The following ISM1 variants were observed in gnomAD, a reference collection of about 807,000 sequenced individuals.
ISM1 encodes isthmin 1.
A neutral mutation model predicts 46.3 loss-of-function variants in ISM1; 25 were observed. The observed-to-expected ratio is 0.54, with a 90% CI of 0.39 to 0.75. The LOEUF (loss-of-function observed/expected upper bound fraction) is 0.75, where lower values mean the gene tolerates loss of function less well. Among genes scored for constraint, ISM1 ranks in the 30% least tolerant of loss-of-function variants. The pLI, the probability that ISM1 is intolerant of heterozygous loss-of-function variation, is 0.00. For missense variants in ISM1, 536 were observed against 625.4 expected, an observed-to-expected ratio of 0.86 and a Z score of 1.52; for synonymous variants, 255 against 256.7, an observed-to-expected ratio of 0.99 and a Z score of 0.06.
chr20:13,249,589 G>A (rs2039842131), intron 1 of ISM1, among the ~76,000 whole-genome samples: 1 of 152,194 alleles, frequency 6.6e-6, no homozygotes, highest in African/African-American at 2.4e-5. Context: ...AACCCCGCCA[G>A]GCTCTTTATT....
At chr20:13,244,637 T>G (rs2039772904) in intron 1 of ISM1, among the ~76,000 whole-genome samples, 1 of 152,222 alleles carries the variant, frequency 6.6e-6, no homozygotes, top group South Asian at 2.1e-4. Flanking sequence ...ACTATATACT[T>G]CCATAATTTA....
intron 1 of ISM1, among the ~76,000 whole-genome samples, chr20:13,255,618 A>C (rs2039919018): frequency 6.6e-6 from 1 of 152,190 alleles, no homozygotes. Context: ...GGTAGAGTAG[A>C]CAGAAAGAAG....
At chr20:13,278,589 T>G (rs2040205944) in intron 2 of ISM1, among the ~76,000 whole-genome samples, 1 of 152,232 alleles carries the variant, frequency 6.6e-6, no homozygotes, top group Admixed American at 6.5e-5. Flanking sequence ...TGCCACTTAC[T>G]AGCCCTGTGA....
chr20:13,237,367 G>T (rs2039663475), intron 1 of ISM1, among the ~76,000 whole-genome samples: 3 of 152,180 alleles, frequency 2.0e-5, no homozygotes, highest in African/African-American at 7.2e-5. Context: ...TGGATAATAA[G>T]GTAGTTAAGT....
At chr20:13,224,841 C>CTTTTT (rs1162270732) in intron 1 of ISM1, among the ~76,000 whole-genome samples, 152 of 107,224 alleles carry the variant, frequency 1.4e-3, no homozygotes, top group Non-Finnish European at 1.7e-3. Context: ...AGCTTTCTTT[C>CTTTTT]TTTTTTTTTT....
At chr20:13,310,813 G>A in the ISM1 span, among the ~76,000 whole-genome samples, 1 of 152,204 alleles carries the variant, frequency 6.6e-6, no homozygotes, top group East Asian at 1.9e-4. Flanking sequence ...TATATGTAAA[G>A]TTGCTCAATG....
chr20:13,317,308 T>C, the ISM1 span, among the ~76,000 whole-genome samples: 1 of 151,768 alleles, frequency 6.6e-6, no homozygotes, highest in South Asian at 2.1e-4. Flanking sequence ...AAGAAGTAAA[T>C]AAATTGAGAG....
At chr20:13,283,453 A>G (rs1379263954) in intron 3 of ISM1, among the ~76,000 whole-genome samples, 1 of 152,170 alleles carries the variant, frequency 6.6e-6, no homozygotes, top group African/African-American at 2.4e-5. Context: ...AAGAATTTAT[A>G]TATTTGTCCG....
chr20:13,287,824 T>A (rs2040310562), intron 3 of ISM1, among the ~76,000 whole-genome samples: 1 of 152,192 alleles, frequency 6.6e-6, no homozygotes, highest in African/African-American at 2.4e-5. Flanking sequence ...CGTAACAAAA[T>A]ATCCCAAAGT....
At position 13,233,431 on chromosome 20, in the gene ISM1, A is replaced by G. The variant is rs58841510; in HGVS notation, c.138+11517A>G. On this transcript the variant is annotated intron_variant, in intron 1 of 5. Coordinates refer to ENST00000262487, the MANE Select transcript of ISM1 (RefSeq NM_080826.2). ...ACCAACATGGAGAAACCCCATCTCT[A>G]CTGACAATACAAAATTAGCCGGGCG... Among the ~76,000 whole-genome samples the G allele has an allele frequency of 1.1e-3, 160 of 152,090 alleles. 1 individual carries two copies. The highest frequency in any genetic ancestry group is 3.6e-3 in the African/African-American group (151 of 41,468).
intron 2 of ISM1, among the ~76,000 whole-genome samples, chr20:13,278,508 C>T (rs2040204877): frequency 6.6e-6 from 1 of 152,190 alleles, no homozygotes; most frequent in African/African-American, 2.4e-5. Flanking sequence ...GTAGCTCTGT[C>T]ACTTACTTTT....
intron 1 of ISM1, among the ~76,000 whole-genome samples, chr20:13,258,944 C>A (rs1393421335): frequency 6.6e-6 from 1 of 152,080 alleles, no homozygotes; most frequent in Non-Finnish European, 1.5e-5. Flanking sequence ...GAGAGCATAA[C>A]ATGGTGATGT....
At position 13,260,651 on chromosome 20, in the gene ISM1, GTC is replaced by G. The variant is rs568693998; in HGVS notation, c.139-9849_139-9848del. ...GTGAAATAATTTCTCCAGAACAAGT[GTC>G]TCTTTAGGATTCCATTCCGAGGAAG... On this transcript the variant is annotated intron_variant, in intron 1 of 5. Transcript: ENST00000262487. Among the ~76,000 whole-genome samples, 834 of 150,992 alleles carry G rather than the reference GTC, an allele frequency of 5.5e-3. 3 individuals are homozygous for G. The highest frequency in any genetic ancestry group is 9.7e-3 in the Non-Finnish European group (656 of 67,862).
At chr20:13,258,771 T>C (rs1029684116) in intron 1 of ISM1, among the ~76,000 whole-genome samples, 5 of 152,112 alleles carry the variant, frequency 3.3e-5, no homozygotes, top group African/African-American at 9.7e-5. Context: ...CGAAAGGAGT[T>C]TGGGTGCCTT....
At position 13,256,377 on chromosome 20, in the gene ISM1, C is replaced by T. The variant is rs537220742; in HGVS notation, c.139-14127C>T. 7.0e-3 allele frequency among the ~76,000 whole-genome samples: 866 copies of T among 123,896 alleles called. 11 individuals carry two copies. The highest frequency in any genetic ancestry group is 0.026 in the African/African-American group (810 of 31,280). The allele number at this position is 123,896 out of a possible 152,430, so 81.3% of individuals were successfully genotyped here. On this transcript the variant is annotated intron_variant, in intron 1 of 5. Coordinates refer to ENST00000262487, the MANE Select transcript of ISM1 (RefSeq NM_080826.2). ...CACTATCATACTCCAGCCTGGGCAA[C>T]AGAGTGAGACCCCGTCTCAAAAAAA...
intron 3 of ISM1, among the ~76,000 whole-genome samples, chr20:13,285,216 A>G (rs888862339): frequency 3.3e-5 from 5 of 152,198 alleles, no homozygotes; most frequent in African/African-American, 1.2e-4. Context: ...GCTTGAGCCC[A>G]GGAATTCAGG....
chr20:13,283,863 C>T lies in ISM1; in HGVS notation c.643+3965C>T, dbSNP rs1291270042. ...AATAGATTTCACAGTGATTTTTTTT[C>T]AGTGGTTTTCCTTTATAATGTTTAA... is the stretch of plus-strand genomic sequence containing the variant. On this transcript the variant is annotated intron_variant, in intron 3 of 5. Coordinates refer to ENST00000262487, the MANE Select transcript of ISM1 (RefSeq NM_080826.2). 2.6e-5 allele frequency among the ~76,000 whole-genome samples: 4 copies of T among 152,106 alleles called. No individual in the cohort carries two copies. In the East Asian group the frequency reaches 5.8e-4, roughly 22 times the overall value.
rs117414604 is a variant in ISM1, at chr20:13,282,887, T to C, written c.643+2989T>C. On this transcript the variant is annotated intron_variant, in intron 3 of 5. Coordinates refer to ENST00000262487, the MANE Select transcript of ISM1 (RefSeq NM_080826.2). ...GACCACACTTTGAGTAGCAAAACTC[T>C]ACGCCCATTGTAGGTGCTCAGTAGC... Among the ~76,000 whole-genome samples the C allele has an allele frequency of 5.5e-4, 84 of 152,360 alleles. 1 individual carries two copies. The East Asian group carries it at 0.016, about 29-fold the overall frequency.
intron 1 of ISM1, among the ~76,000 whole-genome samples, chr20:13,256,911 T>C (rs1463503982): frequency 6.6e-6 from 1 of 151,958 alleles, no homozygotes; most frequent in Non-Finnish European, 1.5e-5. Context: ...TTGAAAAAGG[T>C]GGAGGAGGTG....
Sources: allele counts gnomAD v4.1 joint callset (sites outside exome capture counted in the v4.1 genomes callset), GRCh38; gene constraint gnomAD v4.1.1; transcripts MANE v1.5; gene names NCBI Gene and HGNC (gene_info 2026-07-23, HGNC 2026-07-21).